The following SUPT3H variants were observed in gnomAD, a reference collection of about 807,000 sequenced individuals.
SUPT3H encodes the protein SPT3 homolog, SAGA and STAGA complex component.
SUPT3H carries 44 observed loss-of-function variants against 44.3 expected under a neutral mutation model. The observed-to-expected ratio is 0.99, with a 90% confidence interval of 0.78 to 1.28. The LOEUF is 1.28. Among genes scored for constraint, SUPT3H ranks in the 50% most tolerant of loss-of-function variants. SUPT3H has a pLI of 0.00. For synonymous variants in SUPT3H, 124 were observed against 125.6 expected, an observed-to-expected ratio of 0.99 and a Z score of 0.09; for missense variants, 380 against 387.1, an observed-to-expected ratio of 0.98 and a Z score of 0.15.
intron 10 of SUPT3H, among the ~76,000 whole-genome samples, chr6:44,905,300 C>A (rs949485423): frequency 1.7e-4 from 26 of 152,196 alleles, no homozygotes; most frequent in African/African-American, 6.0e-4. Context: ...CCAGAATCTA[C>A]AATGATCTCC....
At chr6:44,900,352 C>A (rs1246590641) in intron 10 of SUPT3H, among the ~76,000 whole-genome samples, 1 of 152,202 alleles carries the variant, frequency 6.6e-6, no homozygotes. Flanking sequence ...AAGCTCTTAG[C>A]AAACGGCACA....
chr6:44,980,020 T>C (rs1005338168), intron 6 of SUPT3H, among the ~76,000 whole-genome samples: 1 of 152,176 alleles, frequency 6.6e-6, no homozygotes, highest in African/African-American at 2.4e-5. Flanking sequence ...GCCAAAATTA[T>C]AGTTGCTTAG....
At chr6:45,346,005 A>T (rs1790780677) in intron 2 of SUPT3H, among the ~76,000 whole-genome samples, 1 of 152,030 alleles carries the variant, frequency 6.6e-6, no homozygotes, top group African/African-American at 2.4e-5. Context: ...CCTACCTACA[A>T]ATCTCTACAG....
chr6:45,029,570 T>C (rs547680290), intron 3 of SUPT3H, among the ~76,000 whole-genome samples: 1 of 152,108 alleles, frequency 6.6e-6, no homozygotes, highest in South Asian at 2.1e-4. Context: ...CAAGAAGCAA[T>C]AATCATTTGA....
chr6:45,182,083 T>C (rs955721788), intron 2 of SUPT3H, among the ~76,000 whole-genome samples: 1 of 152,116 alleles, frequency 6.6e-6, no homozygotes, highest in East Asian at 1.9e-4. Context: ...TAAATTTTTA[T>C]GCACCAAAGG....
intron 2 of SUPT3H, among the ~76,000 whole-genome samples, chr6:45,120,825 T>G (rs1801555369): frequency 6.6e-6 from 1 of 152,142 alleles, no homozygotes. Context: ...TCTTTATGCA[T>G]AAATCACATA....
At chr6:44,914,451 G>A (rs974002479) in intron 10 of SUPT3H, among the ~76,000 whole-genome samples, 2 of 152,164 alleles carry the variant, frequency 1.3e-5, no homozygotes, top group African/African-American at 2.4e-5. Flanking sequence ...ACTACCCACT[G>A]AACATATTAT....
intron 10 of SUPT3H, among the ~76,000 whole-genome samples, chr6:44,851,219 A>G (rs1382483242): frequency 2.6e-5 from 4 of 152,244 alleles, no homozygotes; most frequent in African/African-American, 9.6e-5. Context: ...ATATTTACAT[A>G]TAAAGATGTA....
In SUPT3H at chr6:45,116,384, A is replaced by G. The variant is rs541361485; in HGVS notation, c.102-10378T>C. 2.1e-3 allele frequency among the ~76,000 whole-genome samples: 326 copies of G among 152,234 alleles called. 1 individual carries two copies. The highest frequency in any genetic ancestry group is 2.4e-3 in the Non-Finnish European group (161 of 67,990). On this transcript the variant is annotated intron_variant, in intron 2 of 10. Coordinates refer to ENST00000371459, the MANE Select transcript of SUPT3H (RefSeq NM_003599.4). ...TCTCTCTTAAAAATTATACACACAT[A>G]CACTTGTATCTTTATCTGTATTAAT...
chr6:45,206,535 T>C (rs1049050480), intron 2 of SUPT3H, among the ~76,000 whole-genome samples: 3 of 151,848 alleles, frequency 2.0e-5, no homozygotes, highest in African/African-American at 7.3e-5. Context: ...GAATTTCAAA[T>C]TATAAAAGTA....
chr6:45,046,332 G>GTTTTT (rs1037535262), intron 3 of SUPT3H, among the ~76,000 whole-genome samples: 1 of 149,284 alleles, frequency 6.7e-6, no homozygotes, highest in Non-Finnish European at 1.5e-5. Context: ...GTTTTTTTTT[G>GTTTTT]TTTGTTTGTT....
At chr6:45,192,203 A>G (rs770334067) in intron 2 of SUPT3H, among the ~76,000 whole-genome samples, 1 of 152,142 alleles carries the variant, frequency 6.6e-6, no homozygotes, top group Non-Finnish European at 1.5e-5. Flanking sequence ...GAATTCTCTT[A>G]GTCATCTGAT....
rs746279156 is a variant in SUPT3H, at chr6:44,937,900, CTTTTTTTTTTTT to C, written c.802-5149_802-5138del. ...ATTCTGCAGGTTCTTTGCTCACTATCTTTTTTTTTTTTTTTTTTTTTTTTTTTGAGGCGGAGT... is the reference window on the plus strand; with the variant it reads ...ATTCTGCAGGTTCTTTGCTCACTATCTTTTTTTTTTTTTTTGAGGCGGAGT... On this transcript the variant is annotated intron_variant, in intron 9 of 10. Transcript: ENST00000371459. Among the ~76,000 whole-genome samples, 121 of 59,120 alleles carry C rather than the reference CTTTTTTTTTTTT, an allele frequency of 2.0e-3. 1 individual carries two copies. In the South Asian group the frequency reaches 0.028, roughly 13 times the overall value. The allele number at this position is 59,120 out of a possible 152,430, so 38.8% of individuals were successfully genotyped here.
intron 2 of SUPT3H, among the ~76,000 whole-genome samples, chr6:45,315,993 C>G (rs1002085841): frequency 2.0e-5 from 3 of 151,374 alleles, no homozygotes; most frequent in African/African-American, 7.3e-5. Flanking sequence ...ACTACTCAAC[C>G]ATACAAAGGA....
chr6:44,928,882 C>CAAAATAAAAAAAAAAAA (rs1491206167), intron 10 of SUPT3H, among the ~76,000 whole-genome samples: 2 of 20,644 alleles, frequency 9.7e-5, no homozygotes, highest in African/African-American at 6.3e-4. Context: ...GACTCCGTCT[C>CAAAATAAAAAAAAAAAA]AAAAAAAAAA....
intron 10 of SUPT3H, among the ~76,000 whole-genome samples, chr6:44,860,852 T>A (rs1341814442): frequency 6.6e-6 from 1 of 152,244 alleles, no homozygotes; most frequent in Non-Finnish European, 1.5e-5. Context: ...ATACTCAATG[T>A]AGAACATTTA....
At chr6:45,026,691 C>A (rs1786057044) in intron 3 of SUPT3H, among the ~76,000 whole-genome samples, 1 of 152,048 alleles carries the variant, frequency 6.6e-6, no homozygotes, top group Non-Finnish European at 1.5e-5. Context: ...TATTTACCAA[C>A]ATATTTGAAA....
In SUPT3H at chr6:44,985,208, TAAATAAATAAAATA is replaced by T. The variant is rs1217231549; in HGVS notation, c.504+18431_504+18444del. On this transcript the variant is annotated intron_variant, in intron 6 of 10. Transcript: ENST00000371459. ...ATAAATAAATAAATAAATAAATAAA[TAAATAAATAAAATA>T]AAATAAAATAAAATAAATAAATAAA... Among the ~76,000 whole-genome samples the T allele has an allele frequency of 7.8e-3, 252 of 32,338 alleles. 3 individuals carry two copies. In the South Asian group the frequency reaches 0.15, roughly 19 times the overall value. The allele number at this position is 32,338 out of a possible 152,430, so 21.2% of individuals were successfully genotyped here.
intron 8 of SUPT3H, among the ~76,000 whole-genome samples, chr6:44,953,881 C>T (rs1409033564): frequency 3.9e-5 from 6 of 151,966 alleles, no homozygotes; most frequent in African/African-American, 7.3e-5. Context: ...TACAGGTGCC[C>T]GCCACCATGC....
Sources: gnomAD v4.1 joint callset for allele counts (sites outside exome capture counted in the v4.1 genomes callset) on GRCh38, gnomAD v4.1.1 for gene constraint, MANE v1.5 for transcripts, NCBI Gene and HGNC (gene_info 2026-07-23, HGNC 2026-07-21) for gene names.